Variants in KREMEN2 observed in about 807,000 individuals in gnomAD.
KREMEN2 encodes the protein kremen protein 2.
A neutral mutation model predicts 49.8 loss-of-function variants in KREMEN2; 43 were observed. The ratio of observed to expected loss-of-function variants is 0.86; its 90% CI spans 0.68 to 1.11. The LOEUF is 1.11. Ranked by LOEUF, KREMEN2 falls within the 50% of genes most tolerant of loss-of-function variation. KREMEN2 has a pLI of 0.00. For missense variants in KREMEN2, 686 were observed against 665.7 expected, an observed-to-expected ratio of 1.03 and a Z score of -0.34; for synonymous variants, 355 against 304.9, an observed-to-expected ratio of 1.16 and a Z score of -1.71.
chr16:2,967,297 CCGCCTCA>C lies in KREMEN2; in HGVS notation c.974-18_974-12del. ...CTGTTCCCACCCCGCTCTCCCCACC[CCGCCTCA>C]CGCCCCTCTCCGCAGGGCTGCAGGA... On this transcript the variant is annotated splice_polypyrimidine_tract_variant and intron_variant, in intron 6 of 8. Transcript: ENST00000303746. 7.3e-7 allele frequency: 1 copy of C among 1,370,474 alleles called. No individual in the cohort carries two copies. The highest frequency in any genetic ancestry group is 9.3e-7 in the Non-Finnish European group (1 of 1,072,274). 84.9% of individuals were successfully genotyped at this position (1,370,474 alleles called of 1,614,324 possible). A position where few individuals can be genotyped will look rare whatever the true frequency, so the allele number is the denominator to read the frequency against.
rs746223865 is a variant in KREMEN2, at chr16:2,964,961, C to A, written c.197C>A (p.Thr66Lys). ...AGRPCLFWDQ[T>K]QQHSYSSASD... ...CGCCCGTGCCTCTTCTGGGACCAGACGCAGCAACACAGCTACAGCAGCGCC... is the reference window on the plus strand; with the variant it reads ...CGCCCGTGCCTCTTCTGGGACCAGAAGCAGCAACACAGCTACAGCAGCGCC... Residue 66 changes from threonine (T) to lysine (K), a missense_variant, in exon 2 of 9, where the codon ACG becomes AAG. Physicochemically the swap from Thr to Lys is moderately conservative, Grantham distance 78. Coordinates refer to ENST00000303746, the MANE Select transcript of KREMEN2 (RefSeq NM_172229.3). 15 of 1,586,668 alleles carry A rather than the reference C, an allele frequency of 9.5e-6. No homozygotes were observed. In the Admixed American group the frequency reaches 2.7e-4, roughly 29 times the overall value.
Position 2,966,531 on chromosome 16 carries a change from C to A in KREMEN2, c.486+82C>A. On this transcript the variant is annotated intron_variant, in intron 4 of 8. Coordinates refer to ENST00000303746, the MANE Select transcript of KREMEN2 (RefSeq NM_172229.3). This position sits in a 1 kb window ranked among gnomAD's most constrained non-coding sequence, Gnocchi z 8.4. ...AACTCCCAACACTCGGTTGCCAAACCCAGACACCGGTTTCTGAACCTCCAG... is the reference window on the plus strand; with the variant it reads ...AACTCCCAACACTCGGTTGCCAAACACAGACACCGGTTTCTGAACCTCCAG... The A allele has an allele frequency of 6.3e-7, 1 of 1,589,362 alleles. No individual in the cohort carries two copies.
rs770517704 is a variant in KREMEN2 at position 2,966,107 on chromosome 16, G to A, written c.270-33G>A. ...GCCTGGGTTTGCTATTCTTGGGGTG[G>A]TGGGAGCCCCACCACCTCCCTCCCA... On this transcript the variant is annotated intron_variant, in intron 2 of 8. Transcript: ENST00000303746. The surrounding 1 kb of genome is among the most constrained non-coding windows in gnomAD (Gnocchi z 8.4). 2 of 1,595,308 alleles carry A rather than the reference G, an allele frequency of 1.3e-6. No homozygotes were observed. Among genetic ancestry groups the A allele is most frequent in the Admixed American group, 1.7e-5 (1 of 59,942 alleles).
Position 2,964,745 on chromosome 16 carries a change from C to CT in KREMEN2, c.95-113dup, listed in dbSNP as rs528375261. Reference sequence around the variant, plus strand: ...GAGCAGCTGAGCAGCCCGAGGGCTCCTGCAGGGGCGGGTGCGGGGTCGCTG... The same window carrying CT: ...GAGCAGCTGAGCAGCCCGAGGGCTCCTTGCAGGGGCGGGTGCGGGGTCGCTG... On this transcript the variant is annotated intron_variant, in intron 1 of 8. Transcript: ENST00000303746. 732 of 1,425,526 alleles carry CT rather than the reference C, an allele frequency of 5.1e-4. 10 individuals carry two copies. The Admixed American group carries it at 0.013, about 26-fold the overall frequency. 88.3% of individuals were successfully genotyped at this position (1,425,526 alleles called of 1,614,324 possible).
Position 2,967,969 on chromosome 16 carries a change from T to A in KREMEN2, c.1338T>A (p.Pro446=). 6.3e-7 allele frequency: 1 copy of A among 1,585,732 alleles called. No homozygotes were observed. Among genetic ancestry groups the A allele is most frequent in the South Asian group, 1.1e-5 (1 of 87,656 alleles). ...AGGGTTCTGCCGCGGGCTACCGGCCTCTGAGTGCCTCCAGCCAGAGCTCCC... is the reference window on the plus strand; with the variant it reads ...AGGGTTCTGCCGCGGGCTACCGGCCACTGAGTGCCTCCAGCCAGAGCTCCC... ...QAEGSAAGYR[P]LSASSQSSLR... Residue 446 remains proline (P), a synonymous_variant, in exon 9 of 9, where the codon CCT becomes CCA. Transcript: ENST00000303746.
In KREMEN2 at chr16:2,966,252, G is replaced by A; in HGVS notation, c.361+21G>A. The A allele has an allele frequency of 6.2e-7, 1 of 1,613,402 alleles. No homozygotes were observed. The highest frequency in any genetic ancestry group is 1.1e-5 in the South Asian group (1 of 91,056). Reference sequence around the variant, plus strand: ...TCACAGTGAGTAGCGCGGCTGGACAGAGGTGGGAACGCTGCTGCATCTGGG... The same window carrying A: ...TCACAGTGAGTAGCGCGGCTGGACAAAGGTGGGAACGCTGCTGCATCTGGG... On this transcript the variant is annotated intron_variant, in intron 3 of 8. Transcript: ENST00000303746. This position sits in a 1 kb window ranked among gnomAD's most constrained non-coding sequence, Gnocchi z 8.4.
intron 1 of KREMEN2, 21 bp downstream of exon 1, chr16:2,964,635 C>A: frequency 3.8e-6 from 6 of 1,560,034 alleles, no homozygotes; most frequent in Non-Finnish European, 5.2e-6. Context: ...GCACGGCTGT[C>A]GGGCCGTGTT....
Position 2,966,012 on chromosome 16 carries a change from C to T in KREMEN2, c.270-128C>T. The T allele has an allele frequency of 4.0e-6, 3 of 755,824 alleles. No individual in the cohort carries two copies. The highest frequency in any genetic ancestry group is 6.7e-6 in the Non-Finnish European group (3 of 448,876). The allele number at this position is 755,824 out of a possible 1,614,324, so 46.8% of individuals were successfully genotyped here. ...GACAAAACTGGAATTTGTGGGTGTA[C>T]AGCAGGCAGCACAGCCGCTCACAGG... On this transcript the variant is annotated intron_variant, in intron 2 of 8. Coordinates refer to ENST00000303746, the MANE Select transcript of KREMEN2 (RefSeq NM_172229.3). This position sits in a 1 kb window ranked among gnomAD's most constrained non-coding sequence, Gnocchi z 8.4.
At chr16:2,965,941 C>T (rs2151054969) in intron 2 of KREMEN2, among the ~76,000 whole-genome samples, 199 bp from the exon 3 acceptor site, 1 of 152,370 alleles carries the variant, frequency 6.6e-6, no homozygotes, top group Middle Eastern at 3.4e-3. Context: ...CCGCTGTCCA[C>T]TCGGAAGTCG....
At position 2,964,631 on chromosome 16, in the gene KREMEN2, C is replaced by T. The variant is rs760247387; in HGVS notation, c.94+17C>T. On this transcript the variant is annotated intron_variant, in intron 1 of 8. Coordinates refer to ENST00000303746, the MANE Select transcript of KREMEN2 (RefSeq NM_172229.3). The stretch of plus-strand genomic sequence containing the variant: ...ACAGTCCAGGTAAGTCCCCGCACGG[C>T]TGTCGGGCCGTGTTCACCACCCCTT... 14 of 1,566,238 alleles carry T rather than the reference C, an allele frequency of 8.9e-6. No homozygotes were observed. The Middle Eastern group carries it at 1.7e-3, about 194-fold the overall frequency.
intron 8 of KREMEN2, 75 bp downstream of exon 8, chr16:2,967,679 G>A: frequency 6.5e-7 from 1 of 1,545,436 alleles, no homozygotes; most frequent in Non-Finnish European, 8.7e-7. Context: ...AACAGAGCTA[G>A]GAAGGAACTC....
intron 1 of KREMEN2, 51 bp from the exon 2 acceptor site, chr16:2,964,808 G>A (rs1212569336): frequency 6.3e-7 from 1 of 1,588,652 alleles, no homozygotes; most frequent in Admixed American, 1.8e-5. Context: ...AGGGGCGCGA[G>A]GATGCCCGGC....
chr16:2,968,370 C>T lies in KREMEN2; in HGVS notation c.*350C>T. 1 of 1,535,624 alleles carries T rather than the reference C, an allele frequency of 6.5e-7. No individual in the cohort carries two copies. On this transcript the variant is annotated 3_prime_UTR_variant, in exon 9 of 9. Transcript: ENST00000303746. ...CCCCCACAGATTTTGAATAAAGGATCTACTTTGGTACGGGCCTCGAAAGTT... is the reference window on the plus strand; with the variant it reads ...CCCCCACAGATTTTGAATAAAGGATTTACTTTGGTACGGGCCTCGAAAGTT...
In KREMEN2 at chr16:2,967,557, G is replaced by T; in HGVS notation, c.1131G>T (p.Ser377=). Residue 377 remains serine, a synonymous_variant, in exon 8 of 9, where the codon TCG becomes TCT. Coordinates refer to ENST00000303746, the MANE Select transcript of KREMEN2 (RefSeq NM_172229.3). ...TCTTCTCGACGGTGACGGCTGTCTC[G>T]GTGCTGCTGCTGCTGCTCCTGGGGC... is the stretch of plus-strand genomic sequence containing the variant. ...ARVFSTVTAV[S]VLLLLLLGLL... 6.5e-7 allele frequency: 1 copy of T among 1,532,298 alleles called. No individual in the cohort carries two copies. The highest frequency in any genetic ancestry group is 8.7e-7 in the Non-Finnish European group (1 of 1,145,278). 94.9% of individuals were successfully genotyped at this position (1,532,298 alleles called of 1,614,324 possible).
rs999589182 is a variant in KREMEN2 at position 2,967,334 on chromosome 16, G to C, written c.988G>C (p.Ala330Pro). Reference protein sequence around the residue: ...ALTYRGLQDAAEDPEAPEGSA... With the variant: ...ALTYRGLQDAPEDPEAPEGSA... The stretch of plus-strand genomic sequence containing the variant: ...CCTCTCCGCAGGGCTGCAGGACGCC[G>C]CTGAGGACCCAGAGGCCCCCGAGGG... Residue 330 changes from alanine to proline, a missense_variant, in exon 7 of 9, where the codon GCT becomes CCT. Transcript: ENST00000303746. The C allele has an allele frequency of 1.5e-5, 21 of 1,400,858 alleles. 1 individual carries two copies. Among genetic ancestry groups the C allele is most frequent in the Non-Finnish European group, 1.9e-5 (21 of 1,088,394 alleles). 86.8% of individuals were successfully genotyped at this position (1,400,858 alleles called of 1,614,324 possible).
chr16:2,964,782 A>AGGCGGGAGGTGGCGTAGG, intron 1 of KREMEN2, 77 bp from the exon 2 acceptor site: 3 of 1,534,990 alleles, frequency 2.0e-6, no homozygotes. Flanking sequence ...CTGGGGACCC[A>AGGCGGGAGGTGGCGTAGG]GGCGGGAGGT....
At chr16:2,965,975 G>A (rs2071808772) in intron 2 of KREMEN2, among the ~76,000 whole-genome samples, 165 bp from the exon 3 acceptor site, 2 of 152,234 alleles carry the variant, frequency 1.3e-5, no homozygotes, top group African/African-American at 4.8e-5. Context: ...TCATCAGGCA[G>A]AGTTCTGCGT....
At chr16:2,967,703 G>A (rs2071863569) in intron 8 of KREMEN2, 99 bp downstream of exon 8, 1 of 1,548,244 alleles carries the variant, frequency 6.5e-7, no homozygotes, top group Non-Finnish European at 8.7e-7. Flanking sequence ...GGTTCTTAAG[G>A]GAGCGAGGCT....
rs907698095 is a variant in KREMEN2 at position 2,964,699 on chromosome 16, G to A, written c.94+85G>A. The A allele has an allele frequency of 2.8e-6, 4 of 1,407,906 alleles. No individual in the cohort carries two copies. The African/African-American group carries it at 5.9e-5, about 21-fold the overall frequency. The allele number at this position is 1,407,906 out of a possible 1,614,324, so 87.2% of individuals were successfully genotyped here. A position where few individuals can be genotyped will look rare whatever the true frequency, so the allele number is the denominator to read the frequency against. On this transcript the variant is annotated intron_variant, in intron 1 of 8. Coordinates refer to ENST00000303746, the MANE Select transcript of KREMEN2 (RefSeq NM_172229.3). ...AGGGCCAGGCCCCCAAGGCTAGGGA[G>A]GGGGACAGAGCAGGTGGCCGGAGCA...
Sources: allele counts gnomAD v4.1 joint callset (sites outside exome capture counted in the v4.1 genomes callset), GRCh38; gene constraint gnomAD v4.1.1; non-coding constraint Gnocchi (gnomAD v3.1); transcripts MANE v1.5; gene names NCBI Gene and HGNC (gene_info 2026-07-23, HGNC 2026-07-21).